The following EPHA6 variants were observed in gnomAD, a reference collection of about 807,000 sequenced individuals.
The protein encoded by EPHA6 is ephrin type-A receptor 6.
Under a neutral mutation model 112.0 loss-of-function variants are expected in EPHA6, and 50 were observed. The observed-to-expected ratio is 0.45, with a 90% CI of 0.36 to 0.56. The LOEUF (loss-of-function observed/expected upper bound fraction) is 0.56. Among genes scored for constraint, EPHA6 ranks in the 20% least tolerant of loss-of-function variants. The pLI is 0.00. For missense variants in EPHA6, 1,280 were observed against 1,417.4 expected (o/e 0.90, Z 1.56); for synonymous variants, 529 against 490.7 (o/e 1.08, Z -1.03).
In EPHA6 at chr3:97,579,485, T is replaced by A. The variant is rs140719218; in HGVS notation, c.2387-13127T>A. Among the ~76,000 whole-genome samples, 126 of 152,288 alleles carry A rather than the reference T, an allele frequency of 8.3e-4. No individual in the cohort carries two copies. In the South Asian group the frequency reaches 9.1e-3, roughly 11 times the overall value. On this transcript the variant is annotated intron_variant, in intron 11 of 17. Coordinates refer to ENST00000389672, the MANE Select transcript of EPHA6 (RefSeq NM_001080448.3). ...CCAGTGTGCCATTTAGTAAATTACA[T>A]CATCCAGCACACTAAATGTGCCTCG...
chr3:97,102,537 A>T (rs1214890214), intron 3 of EPHA6, among the ~76,000 whole-genome samples: 1 of 152,060 alleles, frequency 6.6e-6, no homozygotes, highest in Non-Finnish European at 1.5e-5. Flanking sequence ...TACAAATACG[A>T]TTAAACTTCT....
At chr3:97,505,689 G>A (rs532544629) in intron 10 of EPHA6, among the ~76,000 whole-genome samples, 35 of 152,184 alleles carry the variant, frequency 2.3e-4, no homozygotes, top group African/African-American at 6.7e-4. Context: ...TTTATAGTCC[G>A]TTGGGCATAT....
chr3:97,456,353 C>T (rs9839537), intron 7 of EPHA6, among the ~76,000 whole-genome samples: 17,741 of 151,962 alleles, frequency 0.12, 3,282 homozygotes, highest in African/African-American at 0.39. Flanking sequence ...TGCTGTATAT[C>T]AGATTCTTAG....
At chr3:97,746,093 T>C (rs998417981) in intron 16 of EPHA6, among the ~76,000 whole-genome samples, 6 of 151,864 alleles carry the variant, frequency 4.0e-5, no homozygotes, top group Non-Finnish European at 8.8e-5. Context: ...TTAAAATCTA[T>C]GGCTCTAATT....
chr3:97,311,004 A>T (rs2081534065), intron 5 of EPHA6, among the ~76,000 whole-genome samples: 1 of 151,582 alleles, frequency 6.6e-6, no homozygotes, highest in African/African-American at 2.4e-5. Context: ...AGACAGCTTG[A>T]TCAACCTGAT....
chr3:97,349,772 C>T (rs528576503), intron 5 of EPHA6, among the ~76,000 whole-genome samples: 1 of 151,990 alleles, frequency 6.6e-6, no homozygotes, highest in Non-Finnish European at 1.5e-5. Context: ...TCAAAGTCTT[C>T]ATTGAGCAGG....
At chr3:96,950,747 A>G in intron 2 of EPHA6, among the ~76,000 whole-genome samples, 1 of 151,960 alleles carries the variant, frequency 6.6e-6, no homozygotes, top group Admixed American at 6.6e-5. Flanking sequence ...TCCACTTTTT[A>G]TTACTGTTTG....
chr3:97,450,770 A>G (rs1467063978), intron 7 of EPHA6, among the ~76,000 whole-genome samples: 1 of 152,066 alleles, frequency 6.6e-6, no homozygotes, highest in Non-Finnish European at 1.5e-5. Flanking sequence ...GGGATAAAAA[A>G]TAATAATAAG....
At chr3:97,308,599 A>T (rs1236685267) in intron 5 of EPHA6, among the ~76,000 whole-genome samples, 1 of 151,746 alleles carries the variant, frequency 6.6e-6, no homozygotes, top group Non-Finnish European at 1.5e-5. Context: ...GAAGTTTAAC[A>T]TCTGTGATAT....
intron 3 of EPHA6, among the ~76,000 whole-genome samples, chr3:97,043,368 T>C (rs1437173794): frequency 1.3e-5 from 2 of 152,162 alleles, no homozygotes; most frequent in African/African-American, 4.8e-5. Flanking sequence ...TAAGGCCACA[T>C]GTCCCAGAAA....
chr3:97,572,216 T>C (rs890359513), intron 11 of EPHA6, among the ~76,000 whole-genome samples: 9 of 148,486 alleles, frequency 6.1e-5, no homozygotes, highest in Non-Finnish European at 1.2e-4. Context: ...AATGGCACTA[T>C]CTCGGCTCAC....
In EPHA6 at chr3:97,255,144, ATGTGTGTGTGTGTGTGTGTGTGTG is replaced by A. The variant is rs10631180; in HGVS notation, c.1606+10871_1606+10894del. Among the ~76,000 whole-genome samples the A allele has an allele frequency of 2.1e-5, 3 of 144,374 alleles. No individual in the cohort carries two copies. The East Asian group carries it at 6.1e-4, about 29-fold the overall frequency. The allele number at this position is 144,374 out of a possible 152,430, so 94.7% of individuals were successfully genotyped here. A position where few individuals can be genotyped will look rare whatever the true frequency, so the allele number is the denominator to read the frequency against. ...GAATTTTTCCAGAGGTACATCTTGG[ATGTGTGTGTGTGTGTGTGTGTGTG>A]TGTGTGTGTGTGTTCAAAATAACCT... On this transcript the variant is annotated intron_variant, in intron 5 of 17. Coordinates refer to ENST00000389672, the MANE Select transcript of EPHA6 (RefSeq NM_001080448.3).
intron 5 of EPHA6, among the ~76,000 whole-genome samples, chr3:97,339,196 C>G (rs953579646): frequency 1.3e-5 from 2 of 152,132 alleles, no homozygotes; most frequent in African/African-American, 4.8e-5. Flanking sequence ...ATCACATGGA[C>G]TTTGGAGAGA....
intron 3 of EPHA6, among the ~76,000 whole-genome samples, chr3:97,004,968 C>T (rs1282164734): frequency 6.6e-6 from 1 of 152,076 alleles, no homozygotes; most frequent in East Asian, 1.9e-4. Flanking sequence ...ATCCTTTGGT[C>T]TATATGTCTG....
At chr3:97,658,910 G>A (rs1290856013) in intron 14 of EPHA6, among the ~76,000 whole-genome samples, 6 of 152,002 alleles carry the variant, frequency 3.9e-5, no homozygotes, top group South Asian at 2.1e-4. Context: ...TTTGGAAAGC[G>A]TTCTGAAAAT....
At chr3:97,304,686 A>G (rs1424274871) in intron 5 of EPHA6, among the ~76,000 whole-genome samples, 1 of 152,122 alleles carries the variant, frequency 6.6e-6, no homozygotes, top group Non-Finnish European at 1.5e-5. Flanking sequence ...AAAACTGCCT[A>G]TCGATATGCA....
intron 1 of EPHA6, among the ~76,000 whole-genome samples, chr3:96,829,938 TGCGC>T (rs368535487): frequency 8.3e-6 from 1 of 120,222 alleles, no homozygotes; most frequent in African/African-American, 2.9e-5. Context: ...CACGTGCATG[TGCGC>T]GCGCGCGCAC....
intron 10 of EPHA6, among the ~76,000 whole-genome samples, chr3:97,485,933 T>A (rs1355311232): frequency 6.6e-6 from 1 of 152,206 alleles, no homozygotes; most frequent in East Asian, 1.9e-4. Flanking sequence ...CATAACAAAA[T>A]GCCAGTGTCT....
At chr3:96,897,108 A>G (rs1021460769) in intron 2 of EPHA6, among the ~76,000 whole-genome samples, 3 of 152,082 alleles carry the variant, frequency 2.0e-5, no homozygotes, top group South Asian at 2.1e-4. Context: ...ACAAACATCA[A>G]TTGGAATTTC....
Sources: allele counts gnomAD v4.1 joint callset (sites outside exome capture counted in the v4.1 genomes callset), GRCh38; gene constraint gnomAD v4.1.1; transcripts MANE v1.5; gene names NCBI Gene and HGNC (gene_info 2026-07-23, HGNC 2026-07-21).